Variants in XRN1 observed in about 807,000 individuals in gnomAD.
XRN1 encodes the protein strand-exchange protein 1 homolog.
In XRN1, 67 loss-of-function variants were observed where a neutral mutation model predicts 222.3. That is an observed-to-expected ratio of 0.30 (90% CI 0.25 to 0.37). XRN1 has a LOEUF of 0.37. Among genes scored for constraint, XRN1 ranks in the 10% least tolerant of loss-of-function variants. The probability of loss-of-function intolerance (pLI) is 1.00; values close to 1 mark genes in which losing one functional copy is unlikely to be tolerated. For synonymous variants in XRN1, 643 were observed against 652.4 expected (o/e 0.99, Z 0.22); for missense variants, 1,707 against 2,000.2 (o/e 0.85, Z 2.80).
At chr3:142,446,732 C>T (rs1559894394) in intron 1 of XRN1, among the ~76,000 whole-genome samples, 2 of 151,982 alleles carry the variant, frequency 1.3e-5, no homozygotes, top group Non-Finnish European at 2.9e-5. Flanking sequence ...TAGCCCTCCC[C>T]GGGGGAAAAA....
In XRN1 at chr3:142,322,019, G is replaced by A. The variant is rs557321510; in HGVS notation, c.4405-3116C>T. Among the ~76,000 whole-genome samples, 4 of 152,292 alleles carry A rather than the reference G, an allele frequency of 2.6e-5. No individual in the cohort carries two copies. In the East Asian group the frequency reaches 5.8e-4, roughly 22 times the overall value. ...CATTACTGTGCTGAATAGAAGTGGTGAAAGCAGGCATCTTTGCCTTGGCCC... is the reference window on the plus strand; with the variant it reads ...CATTACTGTGCTGAATAGAAGTGGTAAAAGCAGGCATCTTTGCCTTGGCCC... On this transcript the variant is annotated intron_variant, in intron 37 of 40. Coordinates refer to ENST00000392981, the MANE Select transcript of XRN1 (RefSeq NM_001282857.2).
intron 12 of XRN1, among the ~76,000 whole-genome samples, chr3:142,417,681 G>A (rs896322931): frequency 6.6e-6 from 1 of 152,182 alleles, no homozygotes. Flanking sequence ...TTTCAGAAGT[G>A]CTGTATGTGA....
chr3:142,331,707 T>C (rs2065700631), intron 36 of XRN1, among the ~76,000 whole-genome samples: 2 of 152,226 alleles, frequency 1.3e-5, no homozygotes, highest in Admixed American at 6.5e-5. Context: ...TCTATAACAC[T>C]ACAATTAAGT....
At chr3:142,355,595 T>A in intron 31 of XRN1, 99 bp from the exon 32 acceptor site, 1 of 778,522 alleles carries the variant, frequency 1.3e-6, no homozygotes, top group Non-Finnish European at 1.9e-6. Flanking sequence ...TATTCAGTGG[T>A]AGACAGGATA....
At chr3:142,439,998 C>A (rs1244704125) in intron 1 of XRN1, among the ~76,000 whole-genome samples, 1 of 150,564 alleles carries the variant, frequency 6.6e-6, no homozygotes, top group Non-Finnish European at 1.5e-5. Context: ...ACGAAGGTCT[C>A]AGGAGACGAA....
intron 2 of XRN1, among the ~76,000 whole-genome samples, chr3:142,429,143 T>C (rs910215218): frequency 1.4e-5 from 2 of 144,452 alleles, no homozygotes; most frequent in African/African-American, 5.2e-5. Context: ...TTAGCCATAA[T>C]CTTTTTTTTT....
intron 18 of XRN1, among the ~76,000 whole-genome samples, chr3:142,400,997 ACT>A (rs1355294891): frequency 1.3e-5 from 2 of 151,724 alleles, no homozygotes; most frequent in Non-Finnish European, 2.9e-5. Flanking sequence ...CAGGTGTAAA[ACT>A]CTATCATTCT....
Position 142,318,602 on chromosome 3 carries a change from G to C in XRN1, c.4611C>G (p.Pro1537=). Residue 1537 remains proline (P), a synonymous_variant, in exon 39 of 41, where the codon CCC becomes CCG. Transcript: ENST00000392981. ...VPPGTIPPAF[P]PPTANIMPSS... The stretch of plus-strand genomic sequence containing the variant: ...TGAAAAATATCTTACCAGTAGGTGG[G>C]GGAAAGGCTGGAGGAATGGTTCCAG... 6.2e-7 allele frequency: 1 copy of C among 1,605,280 alleles called. No individual in the cohort carries two copies. The highest frequency in any genetic ancestry group is 1.1e-5 in the South Asian group (1 of 88,826).
intron 37 of XRN1, among the ~76,000 whole-genome samples, chr3:142,326,996 T>C (rs979586599): frequency 6.6e-6 from 1 of 152,224 alleles, no homozygotes; most frequent in Non-Finnish European, 1.5e-5. Flanking sequence ...ATCTTTTTAA[T>C]GTGCCTTTGA....
chr3:142,356,790 G>C (rs907328286), intron 31 of XRN1, 122 bp downstream of exon 31: 10 of 1,061,932 alleles, frequency 9.4e-6, no homozygotes, highest in Non-Finnish European at 1.3e-5. Context: ...GAATTGACCT[G>C]AGCCAAAACT....
intron 34 of XRN1, among the ~76,000 whole-genome samples, chr3:142,334,802 A>AC (rs397771450): frequency 0.31 from 42,881 of 138,656 alleles, 6,173 homozygotes; most frequent in Middle Eastern, 0.38. Flanking sequence ...ACACACACAC[A>AC]AAAGACCATA....
At chr3:142,387,112 T>C (rs2067533097) in intron 20 of XRN1, among the ~76,000 whole-genome samples, 1 of 152,206 alleles carries the variant, frequency 6.6e-6, no homozygotes, top group Admixed American at 6.5e-5. Flanking sequence ...GCTGTATTCA[T>C]ACAATGTAAT....
intron 1 of XRN1, among the ~76,000 whole-genome samples, chr3:142,442,950 G>A (rs191372654): frequency 2.0e-5 from 3 of 152,182 alleles, no homozygotes; most frequent in Admixed American, 6.5e-5. Context: ...AGCCAGGATG[G>A]TCTCAATCTC....
At chr3:142,334,093 A>ATT (rs925684063) in intron 34 of XRN1, among the ~76,000 whole-genome samples, 7 of 152,178 alleles carry the variant, frequency 4.6e-5, no homozygotes, top group Non-Finnish European at 7.4e-5. Flanking sequence ...AATCGTATGT[A>ATT]TTTTATTTTA....
intron 1 of XRN1, among the ~76,000 whole-genome samples, chr3:142,437,549 A>G (rs945384749): frequency 6.6e-6 from 1 of 152,156 alleles, no homozygotes; most frequent in Non-Finnish European, 1.5e-5. Context: ...TTCCCCACCA[A>G]TCCTATATTC....
At chr3:142,411,349 GCTT>G in intron 15 of XRN1, among the ~76,000 whole-genome samples, 1 of 152,134 alleles carries the variant, frequency 6.6e-6, no homozygotes, top group South Asian at 2.1e-4. Flanking sequence ...GTAGATTTCT[GCTT>G]CTTTTTATTT....
intron 32 of XRN1, among the ~76,000 whole-genome samples, chr3:142,352,986 C>A (rs1324082877): frequency 6.6e-6 from 1 of 152,170 alleles, no homozygotes; most frequent in Non-Finnish European, 1.5e-5. Flanking sequence ...AGGTAACTAG[C>A]AAAACATGTA....
chr3:142,347,493 T>C (rs964900448), intron 32 of XRN1, 151 bp from the exon 33 acceptor site: 1 of 485,138 alleles, frequency 2.1e-6, no homozygotes, highest in Non-Finnish European at 3.4e-6. Context: ...TTAAAGCCAC[T>C]TGAACTCTAT....
intron 2 of XRN1, 71 bp from the exon 3 acceptor site, chr3:142,426,912 T>C (rs535643538): frequency 1.0e-5 from 12 of 1,160,264 alleles, no homozygotes; most frequent in East Asian, 7.1e-5. Context: ...TAAACTGCTA[T>C]GTAGGTGCCT....
Sources: allele counts gnomAD v4.1 joint callset (sites outside exome capture counted in the v4.1 genomes callset), GRCh38; gene constraint gnomAD v4.1.1; transcripts MANE v1.5; gene names NCBI Gene and HGNC (gene_info 2026-07-23, HGNC 2026-07-21).